ECD: variants seen among roughly 807,000 people sequenced by gnomAD.
ECD encodes the protein protein ecdysoneless homolog.
ECD carries 59 observed loss-of-function variants against 77.2 expected under a neutral mutation model. The ratio of observed to expected loss-of-function variants is 0.76; its 90% CI spans 0.62 to 0.95. The LOEUF (loss-of-function observed/expected upper bound fraction) is 0.95. Among genes scored for constraint, ECD ranks in the 40% least tolerant of loss-of-function variants. ECD has a pLI of 0.00. For missense variants in ECD, 704 were observed against 763.4 expected (o/e 0.92, Z 0.92); for synonymous variants, 233 against 267.4 (o/e 0.87, Z 1.26).
intron 3 of ECD, among the ~76,000 whole-genome samples, chr10:73,158,436 T>G (rs1843329718): frequency 6.6e-6 from 1 of 151,526 alleles, no homozygotes; most frequent in African/African-American, 2.4e-5. Context: ...AAATTTTTAT[T>G]TATCAATTTT....
chr10:73,166,997 G>A (rs1440639726), intron 1 of ECD, among the ~76,000 whole-genome samples: 1 of 152,142 alleles, frequency 6.6e-6, no homozygotes, highest in Non-Finnish European at 1.5e-5. Context: ...GTATATGGTG[G>A]GAGGTAGTGG....
chr10:73,150,863 AAGTC>A (rs1232417227), intron 7 of ECD, among the ~76,000 whole-genome samples: 2 of 152,246 alleles, frequency 1.3e-5, no homozygotes, highest in African/African-American at 4.8e-5. Context: ...GATCATTAAA[AAGTC>A]AGAGAACAAC....
At chr10:73,137,926 C>G in intron 12 of ECD, 77 bp downstream of exon 12, 1 of 1,152,766 alleles carries the variant, frequency 8.7e-7, no homozygotes, top group Non-Finnish European at 1.2e-6. Context: ...TCTGAGATAT[C>G]TCATAAACCA....
At chr10:73,165,931 T>C (rs1239345583) in intron 1 of ECD, among the ~76,000 whole-genome samples, 2 of 152,164 alleles carry the variant, frequency 1.3e-5, no homozygotes, top group Non-Finnish European at 2.9e-5. Flanking sequence ...CTCTATTTTT[T>C]TTGTACCCTT....
intron 5 of ECD, among the ~76,000 whole-genome samples, chr10:73,155,793 G>A (rs976473857): frequency 6.6e-6 from 1 of 151,670 alleles, no homozygotes; most frequent in African/African-American, 2.4e-5. Context: ...TAGTAGAGAT[G>A]GGATTTCACT....
In ECD at chr10:73,154,283, G is replaced by GA; in HGVS notation, c.755dup (p.Pro254AlafsTer2). ...ATGTCATTATTCGTGTTTCAGGCAA[G>GA]AATGTCTTGAAAACACGACAAGCTC... On this transcript the variant is annotated frameshift_variant, in exon 6 of 14. Coordinates refer to ENST00000372979, the MANE Select transcript of ECD (RefSeq NM_007265.3). LOFTEE classifies it high-confidence loss of function. The GA allele has an allele frequency of 6.2e-7, 1 of 1,609,770 alleles. No individual in the cohort carries two copies. Among genetic ancestry groups the GA allele is most frequent in the Non-Finnish European group, 8.5e-7 (1 of 1,178,414 alleles).
chr10:73,138,427 T>TA (rs1360158298), intron 11 of ECD, among the ~76,000 whole-genome samples: 2 of 152,204 alleles, frequency 1.3e-5, no homozygotes, highest in African/African-American at 4.8e-5. Context: ...AACTAAAGCT[T>TA]AAAAAATAAA....
chr10:73,158,026 A>G (rs1211042242), intron 3 of ECD, among the ~76,000 whole-genome samples: 4 of 151,958 alleles, frequency 2.6e-5, no homozygotes, highest in African/African-American at 9.7e-5. Context: ...TAGTGGTGCA[A>G]TCACACTCAC....
At chr10:73,138,918 T>C (rs1428827813) in intron 11 of ECD, among the ~76,000 whole-genome samples, 1 of 151,944 alleles carries the variant, frequency 6.6e-6, no homozygotes, top group Non-Finnish European at 1.5e-5. Flanking sequence ...AAATGTAGTT[T>C]CATATTTCTG....
intron 2 of ECD, among the ~76,000 whole-genome samples, chr10:73,161,320 T>C (rs1168129250): frequency 2.6e-5 from 4 of 151,836 alleles, no homozygotes; most frequent in Non-Finnish European, 5.9e-5. Flanking sequence ...TTAACTTGAT[T>C]AACCAGGAAT....
rs1197759352 is a variant in ECD at position 73,138,065 on chromosome 10, G to A, written c.1427C>T (p.Pro476Leu). The change falls in exon 12 of 14, where the codon CCT becomes CTT. Residue 476 changes from proline to leucine, a missense_variant. Transcript: ENST00000372979. The part of the protein sequence containing the change: ...THKGAELPRE[P>L]SEAPITFDAD... ...ATCAAAAGTGATTGGAGCCTCAGAA[G>A]GTTCTCTGCAATATTAAAGGACAAA... is the stretch of plus-strand genomic sequence containing the variant. 1 of 1,590,674 alleles carries A rather than the reference G, an allele frequency of 6.3e-7. No individual in the cohort carries two copies. Among genetic ancestry groups the A allele is most frequent in the Non-Finnish European group, 8.5e-7 (1 of 1,171,932 alleles).
chr10:73,143,771 T>C (rs1843088511), intron 9 of ECD, among the ~76,000 whole-genome samples: 1 of 127,686 alleles, frequency 7.8e-6, no homozygotes, highest in African/African-American at 2.9e-5. Flanking sequence ...TAGTAGGTCT[T>C]ACTCATTCGT....
At chr10:73,164,013 T>C (rs1843417030) in intron 1 of ECD, 63 bp from the exon 2 acceptor site, 3 of 1,421,306 alleles carry the variant, frequency 2.1e-6, no homozygotes, top group Non-Finnish European at 2.9e-6. Flanking sequence ...TCTGAACTCT[T>C]TTAGATGGTT....
rs368495430 is a variant in ECD, at chr10:73,134,807, C to T, written c.1711G>A (p.Val571Ile). ...GAATTGTTATCGGTAGTCTGGGATACAGGTTCCTTATTCATAGAGGGAAAA... is the reference window on the plus strand; with the variant it reads ...GAATTGTTATCGGTAGTCTGGGATATAGGTTCCTTATTCATAGAGGGAAAA... ...SFTTRNQVEP[V>I]SQTTDNNSDE... Residue 571 changes from valine to isoleucine, a missense_variant, in exon 14 of 14, where the codon GTA becomes ATA. Val to Ile is a conservative substitution (Grantham distance 29). This residue lies in a region of ECD where 142 missense variants were observed against 163.6 expected (regional missense o/e 0.87). Transcript: ENST00000372979. 3.7e-6 allele frequency: 6 copies of T among 1,613,944 alleles called. No individual in the cohort carries two copies. The African/African-American group carries it at 5.3e-5, about 14-fold the overall frequency.
intron 6 of ECD, 39 bp downstream of exon 6, chr10:73,154,217 C>G (rs1248756366): frequency 6.5e-7 from 1 of 1,535,430 alleles, no homozygotes; most frequent in African/African-American, 1.4e-5. Flanking sequence ...AACTCGGTTT[C>G]CAGTAAGAGA....
At chr10:73,155,507 T>C (rs1358857953) in intron 5 of ECD, among the ~76,000 whole-genome samples, 2 of 152,138 alleles carry the variant, frequency 1.3e-5, no homozygotes, top group East Asian at 1.9e-4. Context: ...AGAAACTGAA[T>C]TCTGACATAG....
At chr10:73,145,934 C>T (rs1337498941) in intron 9 of ECD, among the ~76,000 whole-genome samples, 10 of 151,878 alleles carry the variant, frequency 6.6e-5, no homozygotes, top group Non-Finnish European at 1.0e-4. Context: ...TGAGCCACCG[C>T]GCCTGGCCAT....
intron 3 of ECD, among the ~76,000 whole-genome samples, chr10:73,159,180 T>C (rs1843342086): frequency 6.6e-6 from 1 of 152,262 alleles, no homozygotes; most frequent in Non-Finnish European, 1.5e-5. Context: ...TAAAAAAAGA[T>C]CAGAATTTGG....
At chr10:73,150,833 C>T (rs1056108983) in intron 7 of ECD, among the ~76,000 whole-genome samples, 15 of 152,328 alleles carry the variant, frequency 9.8e-5, no homozygotes, top group Non-Finnish European at 2.1e-4. Flanking sequence ...AGATGGTAAT[C>T]TCACACCAGT....
Sources: gnomAD v4.1 joint callset for allele counts (sites outside exome capture counted in the v4.1 genomes callset) on GRCh38, gnomAD v4.1.1 for gene constraint, gnomAD v4.1.1 regional missense constraint, MANE v1.5 for transcripts, NCBI Gene and HGNC (gene_info 2026-07-23, HGNC 2026-07-21) for gene names.